GRIP1: variants seen among roughly 807,000 people sequenced by gnomAD.
GRIP1 encodes the protein glutamate receptor-interacting protein 1.
In GRIP1, 45 loss-of-function variants were observed where a neutral mutation model predicts 129.9. The observed-to-expected ratio is 0.35, with a 90% CI of 0.27 to 0.44. The LOEUF is 0.44. Ranked by LOEUF, GRIP1 falls within the 20% of genes least tolerant of loss-of-function variation. The pLI is 1.00. For synonymous variants in GRIP1, 530 were observed against 520.8 expected (o/e 1.02, Z -0.24); for missense variants, 1,196 against 1,396.8 (o/e 0.86, Z 2.29).
intron 1 of GRIP1, among the ~76,000 whole-genome samples, chr12:66,621,942 T>C (rs2065286819): frequency 6.6e-6 from 1 of 152,136 alleles, no homozygotes; most frequent in African/African-American, 2.4e-5. Flanking sequence ...AGTTAGGTTG[T>C]TTGTTTTTGC....
chr12:66,484,023 C>T (rs995991177), intron 7 of GRIP1, among the ~76,000 whole-genome samples: 5 of 151,732 alleles, frequency 3.3e-5, no homozygotes, highest in Admixed American at 3.3e-4. Context: ...CTACGCCCGG[C>T]TAATTTTTTG....
At position 67,001,647 on chromosome 12, in the gene GRIP1, A is replaced by G. The variant is rs186633486; in HGVS notation, c.58+67403T>C. Among the ~76,000 whole-genome samples the G allele has an allele frequency of 1.4e-4, 22 of 152,236 alleles. No individual in the cohort carries two copies. The East Asian group carries it at 3.9e-3, about 27-fold the overall frequency. On this transcript the variant is annotated intron_variant, in intron 1 of 1. Transcript: ENST00000643019. ...AGCAACTCTGTGCCTGCATCCCTAC[A>G]TGGTAACTAGAGATTGGAGCTAAAC... is the stretch of plus-strand genomic sequence containing the variant.
intron 1 of GRIP1, among the ~76,000 whole-genome samples, chr12:66,706,958 A>G (rs1375985865): frequency 1.3e-5 from 2 of 149,236 alleles, no homozygotes; most frequent in Non-Finnish European, 3.0e-5. Context: ...ACAAACCTGC[A>G]CGTTCTGCCC....
intron 1 of GRIP1, among the ~76,000 whole-genome samples, chr12:66,979,232 A>AC (rs748756368): frequency 0.14 from 18,482 of 129,362 alleles, 1,719 homozygotes; most frequent in African/African-American, 0.18. Context: ...TAAAAAAAAA[A>AC]AAAAAAAAAA....
intron 1 of GRIP1, among the ~76,000 whole-genome samples, chr12:66,966,429 C>T (rs1236926242): frequency 2.6e-5 from 4 of 152,126 alleles, no homozygotes; most frequent in African/African-American, 9.7e-5. Context: ...TATTACTACA[C>T]GTTCTAAGTG....
chr12:66,615,649 T>C (rs2065007907), intron 1 of GRIP1, among the ~76,000 whole-genome samples: 1 of 152,202 alleles, frequency 6.6e-6, no homozygotes, highest in Non-Finnish European at 1.5e-5. Context: ...AAAATTTTAT[T>C]TTTAATTTTT....
intron 1 of GRIP1, among the ~76,000 whole-genome samples, chr12:66,814,037 G>A (rs2039156557): frequency 6.6e-6 from 1 of 152,126 alleles, no homozygotes; most frequent in Admixed American, 6.6e-5. Flanking sequence ...TAATGGTGGA[G>A]ATACAGGTTT....
intron 1 of GRIP1, among the ~76,000 whole-genome samples, chr12:66,827,008 C>T (rs2039425509): frequency 6.6e-6 from 1 of 152,162 alleles, no homozygotes; most frequent in Non-Finnish European, 1.5e-5. Context: ...ATTTCTCTCT[C>T]TTTCTTCCTT....
intron 1 of GRIP1, among the ~76,000 whole-genome samples, chr12:66,856,191 C>A (rs1009224440): frequency 7.2e-5 from 11 of 152,058 alleles, no homozygotes; most frequent in Non-Finnish European, 1.5e-4. Flanking sequence ...GAAACTGGAT[C>A]CCTTCCTTAC....
At chr12:66,955,288 C>T (rs1319422365) in intron 1 of GRIP1, among the ~76,000 whole-genome samples, 1 of 152,062 alleles carries the variant, frequency 6.6e-6, no homozygotes, top group Non-Finnish European at 1.5e-5. Context: ...GAATTTGCAT[C>T]TCTAACCAGT....
intron 1 of GRIP1, among the ~76,000 whole-genome samples, chr12:66,964,133 A>G (rs1162511242): frequency 1.3e-5 from 2 of 152,040 alleles, no homozygotes; most frequent in East Asian, 1.9e-4. Context: ...CCACATTCCA[A>G]ATGTTTCCCG....
intron 1 of GRIP1, among the ~76,000 whole-genome samples, chr12:66,951,890 G>C (rs1592384584): frequency 1.3e-5 from 2 of 152,102 alleles, no homozygotes; most frequent in East Asian, 1.9e-4. Flanking sequence ...GTGATGATGA[G>C]GAAGAGGGTT....
At chr12:66,410,245 G>A (rs1352789044) in intron 15 of GRIP1, among the ~76,000 whole-genome samples, 16 of 31,358 alleles carry the variant, frequency 5.1e-4, no homozygotes, top group Non-Finnish European at 1.0e-3. Context: ...GCGAGACTCC[G>A]TCTCAAAAAA....
At chr12:66,828,110 A>C (rs2039451039) in intron 1 of GRIP1, among the ~76,000 whole-genome samples, 1 of 152,218 alleles carries the variant, frequency 6.6e-6, no homozygotes, top group Non-Finnish European at 1.5e-5. Context: ...GATGACATAA[A>C]TTACCAGCTT....
chr12:67,003,363 A>G (rs983952526), intron 1 of GRIP1, among the ~76,000 whole-genome samples: 2 of 152,164 alleles, frequency 1.3e-5, no homozygotes, highest in African/African-American at 2.4e-5. Flanking sequence ...GTAATTCTAC[A>G]CTGTTAATTC....
chr12:66,816,311 C>T (rs1303496395), intron 1 of GRIP1, among the ~76,000 whole-genome samples: 3 of 152,142 alleles, frequency 2.0e-5, no homozygotes, highest in Non-Finnish European at 4.4e-5. Context: ...TTGGCTTTCC[C>T]TGAAACTGAT....
intron 7 of GRIP1, among the ~76,000 whole-genome samples, chr12:66,497,832 C>G (rs573685855): frequency 1.3e-5 from 2 of 152,078 alleles, no homozygotes; most frequent in Non-Finnish European, 2.9e-5. Flanking sequence ...TGCACGTATA[C>G]GCCCAGATGG....
chr12:66,526,850 C>T (rs2061260369), intron 5 of GRIP1, among the ~76,000 whole-genome samples: 1 of 150,794 alleles, frequency 6.6e-6, no homozygotes. Flanking sequence ...ACAACCCCAT[C>T]AAAAAGTGGG....
intron 1 of GRIP1, among the ~76,000 whole-genome samples, chr12:66,635,157 G>A (rs1327788564): frequency 6.6e-6 from 1 of 152,130 alleles, no homozygotes; most frequent in Non-Finnish European, 1.5e-5. Flanking sequence ...AGTGGCTCAT[G>A]CCTGTAATTC....
Sources: gnomAD v4.1 joint callset for allele counts (sites outside exome capture counted in the v4.1 genomes callset) on GRCh38, gnomAD v4.1.1 for gene constraint, MANE v1.5 for transcripts, NCBI Gene and HGNC (gene_info 2026-07-23, HGNC 2026-07-21) for gene names.